Variants in AP2A2 observed in about 807,000 individuals in gnomAD.
AP2A2 encodes the protein adaptor related protein complex 2 subunit alpha 2, also known as AP-2 complex subunit alpha-2.
Under a neutral mutation model 104.2 loss-of-function variants are expected in AP2A2, and 32 were observed. That is an observed-to-expected ratio of 0.31 (90% CI 0.23 to 0.41). The LOEUF (loss-of-function observed/expected upper bound fraction) is 0.41. AP2A2 is among the 10% of genes least tolerant of loss of function. The pLI is 1.00. For synonymous variants in AP2A2, 539 were observed against 533.3 expected (o/e 1.01, Z -0.15); for missense variants, 912 against 1,261.0 (o/e 0.72, Z 4.19).
chr11:935,849 C>T (rs1019601149), intron 1 of AP2A2, among the ~76,000 whole-genome samples: 2 of 151,354 alleles, frequency 1.3e-5, no homozygotes, highest in Non-Finnish European at 2.9e-5. Context: ...CCGCCTTGGC[C>T]TCCCAAAGTG....
rs929811250 is a variant in AP2A2, at chr11:977,210, A to G, written c.589A>G (p.Asn197Asp). ...GACATCCCGAGTGGTGCACCTGCTCAATGACCAGCACTTGGTAAGCACCCT... is the reference window on the plus strand; with the variant it reads ...GACATCCCGAGTGGTGCACCTGCTCGATGACCAGCACTTGGTAAGCACCCT... ...DWTSRVVHLL[N>D]DQHLGVVTAA... Residue 197 changes from asparagine (N) to aspartate (D), a missense_variant, in exon 5 of 22, where the codon AAT becomes GAT. By Grantham distance (23) the Asn-to-Asp change is conservative. This residue lies in a region of AP2A2 where 350 missense variants were observed against 487.0 expected (regional missense o/e 0.72). Transcript: ENST00000448903. 6.2e-7 allele frequency: 1 copy of G among 1,603,280 alleles called. No individual in the cohort carries two copies. Among genetic ancestry groups the G allele is most frequent in the Non-Finnish European group, 8.5e-7 (1 of 1,173,224 alleles).
intron 1 of AP2A2, among the ~76,000 whole-genome samples, chr11:943,791 G>A (rs1402254278): frequency 1.3e-5 from 2 of 150,220 alleles, no homozygotes; most frequent in Non-Finnish European, 1.5e-5. Flanking sequence ...AGTCCCGACC[G>A]GAGACGCAGG....
At chr11:959,248 C>A (rs1052991648) in intron 1 of AP2A2, among the ~76,000 whole-genome samples, 189 bp from the exon 2 acceptor site, 1 of 152,218 alleles carries the variant, frequency 6.6e-6, no homozygotes, top group Admixed American at 6.5e-5. Flanking sequence ...GGCTCAGTCC[C>A]GGCCCCGGCC....
At chr11:932,109 C>G (rs1853310434) in intron 1 of AP2A2, among the ~76,000 whole-genome samples, 1 of 152,108 alleles carries the variant, frequency 6.6e-6, no homozygotes, top group African/African-American at 2.4e-5. Context: ...TTACAGGTGT[C>G]TGCCACCACG....
intron 1 of AP2A2, among the ~76,000 whole-genome samples, chr11:958,556 A>C (rs1259680679): frequency 2.0e-5 from 3 of 152,188 alleles, no homozygotes; most frequent in African/African-American, 7.2e-5. Context: ...TTGACAACAG[A>C]TAGGTTGTAA....
intron 2 of AP2A2, among the ~76,000 whole-genome samples, chr11:961,732 G>A (rs1364638492): frequency 7.3e-6 from 1 of 137,486 alleles, no homozygotes; most frequent in East Asian, 2.1e-4. Flanking sequence ...ATGGAGATGT[G>A]GGTCTGATAG....
At chr11:936,068 AT>A (rs553294994) in intron 1 of AP2A2, among the ~76,000 whole-genome samples, 303 of 131,426 alleles carry the variant, frequency 2.3e-3, no homozygotes, top group Middle Eastern at 4.5e-3. Flanking sequence ...CGCCTGCCTA[AT>A]TTTTTTTTTT....
At chr11:979,975 C>A (rs888760746) in intron 5 of AP2A2, among the ~76,000 whole-genome samples, 1 of 152,158 alleles carries the variant, frequency 6.6e-6, no homozygotes, top group African/African-American at 2.4e-5. Flanking sequence ...TAATTAAAGT[C>A]TTTTTTCAAG....
intron 21 of AP2A2, 80 bp downstream of exon 21, chr11:1,009,897 C>G (rs895227151): frequency 1.4e-6 from 2 of 1,465,770 alleles, no homozygotes; most frequent in Admixed American, 2.1e-5. Flanking sequence ...ATGTGTAGCT[C>G]TTTAGTGCAG....
intron 10 of AP2A2, among the ~76,000 whole-genome samples, chr11:991,390 C>G (rs369675970): frequency 5.8e-4 from 88 of 152,276 alleles, no homozygotes; most frequent in African/African-American, 2.0e-3. Context: ...CATTACACTC[C>G]TGGGGGGCTG....
Position 993,755 on chromosome 11 carries a change from C to G in AP2A2, c.1552C>G (p.Pro518Ala). The G allele has an allele frequency of 6.3e-7, 1 of 1,588,264 alleles. No homozygotes were observed. Among genetic ancestry groups the G allele is most frequent in the Non-Finnish European group, 8.5e-7 (1 of 1,170,452 alleles). ...TGTGTTGTGCCTCCCCGTCCCCAGC[C>G]CGCTGATCCAGTTCCACCTGCTGCA... ...NLIAGDPRSS[P>A]LIQFHLLHSK... The change falls in exon 13 of 22, where the codon CCG (proline) becomes GCG (alanine). Residue 518 changes from proline to alanine, a missense_variant and splice_region_variant. Around this residue, in one of 7 missense-constraint regions of AP2A2, gnomAD observed 137 missense variants for 186.9 expected, o/e 0.73. Coordinates refer to ENST00000448903, the MANE Select transcript of AP2A2 (RefSeq NM_012305.4). This position sits in a 1 kb window ranked among gnomAD's most constrained non-coding sequence, Gnocchi z 8.2.
chr11:994,232 G>A lies in AP2A2; in HGVS notation c.1943G>A (p.Ser648Asn), dbSNP rs1427280462. 8 of 1,612,776 alleles carry A rather than the reference G, an allele frequency of 5.0e-6. No homozygotes were observed. Among genetic ancestry groups the A allele is most frequent in the Non-Finnish European group, 6.8e-6 (8 of 1,179,784 alleles). ...VNGGPEPAPA[S>N]TSAVSTPSPS... ...GGGGGTCCTGAGCCTGCCCCAGCCA[G>A]TACCAGCGCCGTGGTGGGTCCCTCA... is the stretch of plus-strand genomic sequence containing the variant. The change falls in exon 14 of 22, where the codon AGT (serine) becomes AAT (asparagine). Residue 648 changes from serine to asparagine, a missense_variant. This residue lies in a region of AP2A2 where 105 missense variants were observed against 90.9 expected (regional missense o/e 1.16). Transcript: ENST00000448903.
At chr11:944,294 T>C (rs1853758991) in intron 1 of AP2A2, among the ~76,000 whole-genome samples, 1 of 152,178 alleles carries the variant, frequency 6.6e-6, no homozygotes, top group African/African-American at 2.4e-5. Flanking sequence ...TTATGAGCAC[T>C]CAGAGATGTG....
intron 4 of AP2A2, 137 bp from the exon 5 acceptor site, chr11:976,958 G>T: frequency 8.4e-7 from 1 of 1,195,374 alleles, no homozygotes; most frequent in Non-Finnish European, 1.2e-6. Context: ...GGCGGCCTCG[G>T]CAGGCGGCCC....
chr11:929,171 T>A (rs571513799), intron 1 of AP2A2, among the ~76,000 whole-genome samples: 36 of 152,234 alleles, frequency 2.4e-4, no homozygotes, highest in African/African-American at 8.7e-4. Context: ...CCAGCCAGGG[T>A]TTGAGCTGAT....
At chr11:976,516 A>G (rs1855043072) in intron 4 of AP2A2, among the ~76,000 whole-genome samples, 2 of 152,042 alleles carry the variant, frequency 1.3e-5, no homozygotes, top group Non-Finnish European at 2.9e-5. Flanking sequence ...AGGAGGGCGA[A>G]GGGGGATAAG....
chr11:976,586 A>T (rs1448975569), intron 4 of AP2A2, among the ~76,000 whole-genome samples: 1 of 151,630 alleles, frequency 6.6e-6, no homozygotes, highest in African/African-American at 2.4e-5. Context: ...CAGGAGAGCC[A>T]TGGCCGGCTC....
intron 1 of AP2A2, among the ~76,000 whole-genome samples, chr11:955,998 C>G (rs1390473328): frequency 2.0e-5 from 3 of 152,138 alleles, no homozygotes; most frequent in Non-Finnish European, 4.4e-5. Flanking sequence ...AAACCAAAGA[C>G]TCACTTGAGA....
At chr11:977,740 C>T (rs1477927238) in intron 5 of AP2A2, among the ~76,000 whole-genome samples, 3 of 151,854 alleles carry the variant, frequency 2.0e-5, no homozygotes, top group East Asian at 1.9e-4. Context: ...GTCACAGAGC[C>T]GTCCACCGCA....
Sources: gnomAD v4.1 joint callset for allele counts (sites outside exome capture counted in the v4.1 genomes callset) on GRCh38, gnomAD v4.1.1 for gene constraint, gnomAD v4.1.1 regional missense constraint, Gnocchi (gnomAD v3.1) non-coding constraint, MANE v1.5 for transcripts, NCBI Gene and HGNC (gene_info 2026-07-23, HGNC 2026-07-21) for gene names.